The following SMC5 variants were observed in gnomAD, a reference collection of about 807,000 sequenced individuals.
SMC5 encodes the protein structural maintenance of chromosomes protein 5.
Under a neutral mutation model 148.3 loss-of-function variants are expected in SMC5, and 88 were observed. The observed-to-expected ratio is 0.59, with a 90% CI of 0.50 to 0.71. The LOEUF is 0.71. Among genes scored for constraint, SMC5 ranks in the 30% least tolerant of loss-of-function variants. The probability of loss-of-function intolerance (pLI) is 0.00; values close to 1 mark genes in which losing one functional copy is unlikely to be tolerated. For missense variants in SMC5, 1,142 were observed against 1,298.9 expected, an observed-to-expected ratio of 0.88 and a Z score of 1.86; for synonymous variants, 421 against 432.8, an observed-to-expected ratio of 0.97 and a Z score of 0.34.
At chr9:70,344,409 T>A (rs913545343) in intron 18 of SMC5, 140 bp downstream of exon 18, 2 of 135,574 alleles carry the variant, frequency 1.5e-5, no homozygotes, top group Non-Finnish European at 2.8e-5. Context: ...TTAAACTGAA[T>A]ATATATATAT....
chr9:70,327,475 A>G (rs567800808), intron 17 of SMC5, among the ~76,000 whole-genome samples: 3 of 152,218 alleles, frequency 2.0e-5, no homozygotes, highest in African/African-American at 7.2e-5. Context: ...AGAATTTTGC[A>G]TTTATCCTGA....
rs755400183 is a variant in SMC5, at chr9:70,318,486, G to A, written c.1807-28G>A. The stretch of plus-strand genomic sequence containing the variant: ...TTAAAACATATAATTTATATTAGAT[G>A]TGCACTAATAGTTGTTTTACGTTAT... On this transcript the variant is annotated intron_variant, in intron 13 of 24. Coordinates refer to ENST00000361138, the MANE Select transcript of SMC5 (RefSeq NM_015110.4). 2.0e-5 allele frequency: 29 copies of A among 1,464,168 alleles called. No homozygotes were observed. In the Admixed American group the frequency reaches 2.2e-4, roughly 11 times the overall value. 90.7% of individuals were successfully genotyped at this position (1,464,168 alleles called of 1,614,324 possible). A position where few individuals can be genotyped will look rare whatever the true frequency, so the allele number is the denominator to read the frequency against.
rs2036834705 is a variant in SMC5 at position 70,352,848 on chromosome 9, T to G, written c.*517T>G. The G allele has an allele frequency of 6.6e-6, 1 of 152,076 alleles. No individual in the cohort carries two copies. The highest frequency in any genetic ancestry group is 2.4e-5 in the African/African-American group (1 of 41,404). 9.4% of individuals were successfully genotyped at this position (152,076 alleles called of 1,614,324 possible). A position where few individuals can be genotyped will look rare whatever the true frequency, so the allele number is the denominator to read the frequency against. ...CTTCCTATTAAAAAAGATTACCTTA[T>G]CTCCAGTAGGAAATGGAATTTTATG... On this transcript the variant is annotated 3_prime_UTR_variant, in exon 25 of 25. Transcript: ENST00000361138.
chr9:70,259,140 C>CGA lies in SMC5; in HGVS notation c.67_68dup (p.Asp23GlufsTer41). The CGA allele has an allele frequency of 6.2e-7, 1 of 1,612,890 alleles. No individual in the cohort carries two copies. Among genetic ancestry groups the CGA allele is most frequent in the Non-Finnish European group, 8.5e-7 (1 of 1,179,454 alleles). Reference sequence around the variant, plus strand: ...CCCCAGCCTTCCAAGAGAGCTCTCCCGAGAGACCCTTCGTCGGAGGTCCCG... The same window carrying CGA: ...CCCCAGCCTTCCAAGAGAGCTCTCCCGAGAGAGACCCTTCGTCGGAGGTCCCG... On this transcript the variant is annotated frameshift_variant, in exon 1 of 25. Transcript: ENST00000361138. LOFTEE classifies it high-confidence loss of function.
chr9:70,319,916 G>A (rs967592209), intron 15 of SMC5, among the ~76,000 whole-genome samples: 2 of 152,118 alleles, frequency 1.3e-5, no homozygotes, highest in African/African-American at 4.8e-5. Flanking sequence ...GCTTGCCAGT[G>A]GATACAGATT....
At chr9:70,329,101 T>C (rs978385314) in intron 17 of SMC5, among the ~76,000 whole-genome samples, 38 of 152,212 alleles carry the variant, frequency 2.5e-4, no homozygotes, top group Non-Finnish European at 4.4e-4. Context: ...TTTTCCCTCC[T>C]AGATCGCCAG....
intron 18 of SMC5, among the ~76,000 whole-genome samples, chr9:70,345,874 G>A (rs1333029862): frequency 6.6e-6 from 1 of 152,094 alleles, no homozygotes; most frequent in Non-Finnish European, 1.5e-5. Flanking sequence ...TTTGGACCAC[G>A]TAAGAGATAC....
chr9:70,274,530 A>G (rs1486513381), intron 3 of SMC5, among the ~76,000 whole-genome samples: 2 of 147,000 alleles, frequency 1.4e-5, no homozygotes, highest in Middle Eastern at 3.5e-3. Context: ...TGTTTTTAAT[A>G]TCTTTTGTTA....
In SMC5 at chr9:70,259,159, G is replaced by T; in HGVS notation, c.81G>T (p.Glu27Asp). ...CTCTCCCGAGAGACCCTTCGTCGGA[G>T]GTCCCGAGCAAGAGGAAGAATTCGG... is the stretch of plus-strand genomic sequence containing the variant. ...KRALPRDPSS[E>D]VPSKRKNSAP... is the part of the protein sequence containing the mutation. The change falls in exon 1 of 25, where the codon GAG (glutamate) becomes GAT (aspartate). Residue 27 changes from glutamate (E) to aspartate (D), a missense_variant. Transcript: ENST00000361138. 1.9e-6 allele frequency: 3 copies of T among 1,612,344 alleles called. No homozygotes were observed. The highest frequency in any genetic ancestry group is 1.7e-6 in the Non-Finnish European group (2 of 1,179,242).
At chr9:70,332,668 A>G (rs1270343363) in intron 17 of SMC5, among the ~76,000 whole-genome samples, 2 of 152,206 alleles carry the variant, frequency 1.3e-5, no homozygotes, top group Non-Finnish European at 2.9e-5. Context: ...ACCTATCATG[A>G]ACATAGACCC....
At chr9:70,289,408 TATATC>T (rs2034998221) in intron 8 of SMC5, among the ~76,000 whole-genome samples, 1 of 152,172 alleles carries the variant, frequency 6.6e-6, no homozygotes. Flanking sequence ...TCCTTGTAAT[TATATC>T]AGTTTTTGCT....
At chr9:70,329,571 A>G (rs1209003734) in intron 17 of SMC5, among the ~76,000 whole-genome samples, 1 of 152,186 alleles carries the variant, frequency 6.6e-6, no homozygotes, top group Non-Finnish European at 1.5e-5. Flanking sequence ...TCTGGACTTC[A>G]CTGTCCATAT....
chr9:70,351,418 G>A (rs1416605192), intron 24 of SMC5, among the ~76,000 whole-genome samples: 2 of 151,614 alleles, frequency 1.3e-5, no homozygotes, highest in African/African-American at 4.8e-5. Flanking sequence ...AGTGTCATCT[G>A]TCTTCTTTTT....
chr9:70,322,646 G>T (rs1384718442), intron 15 of SMC5, among the ~76,000 whole-genome samples: 1 of 143,902 alleles, frequency 6.9e-6, no homozygotes, highest in African/African-American at 2.4e-5. Flanking sequence ...GACCAGCCTG[G>T]CCAACATGAT....
intron 22 of SMC5, 46 bp from the exon 23 acceptor site, chr9:70,350,068 T>C: frequency 7.2e-7 from 1 of 1,381,598 alleles, no homozygotes; most frequent in Non-Finnish European, 9.9e-7. Context: ...TAGAATGACA[T>C]TACCAGAGGA....
chr9:70,320,324 C>G (rs1469343036), intron 15 of SMC5, among the ~76,000 whole-genome samples: 2 of 152,074 alleles, frequency 1.3e-5, no homozygotes, highest in Admixed American at 1.3e-4. Context: ...TTTGTGAGGC[C>G]AAGGCGGAAG....
chr9:70,324,767 C>T (rs188090430), intron 17 of SMC5, among the ~76,000 whole-genome samples: 135 of 152,118 alleles, frequency 8.9e-4, no homozygotes, highest in African/African-American at 2.9e-3. Flanking sequence ...CACTCAGGTT[C>T]AATAATTTGA....
chr9:70,287,230 T>C (rs1318954970), intron 8 of SMC5, among the ~76,000 whole-genome samples: 1 of 152,160 alleles, frequency 6.6e-6, no homozygotes, highest in African/African-American at 2.4e-5. Context: ...TTAAAAGTTT[T>C]TAAAGTTTTT....
At chr9:70,342,456 G>A in intron 17 of SMC5, among the ~76,000 whole-genome samples, 1 of 151,978 alleles carries the variant, frequency 6.6e-6, no homozygotes, top group Admixed American at 6.6e-5. Context: ...TATTAATCAA[G>A]TAGATCTGGA....
Sources: gnomAD v4.1 joint callset for allele counts (sites outside exome capture counted in the v4.1 genomes callset) on GRCh38, gnomAD v4.1.1 for gene constraint, MANE v1.5 for transcripts, NCBI Gene and HGNC (gene_info 2026-07-23, HGNC 2026-07-21) for gene names.